Variants in CMSS1 observed in about 807,000 individuals in gnomAD.
CMSS1 encodes protein CMSS1.
CMSS1 carries 33 observed loss-of-function variants against 43.5 expected under a neutral mutation model. The ratio of observed to expected loss-of-function variants is 0.76; its 90% CI spans 0.57 to 1.01. The LOEUF is 1.01. CMSS1 is among the 50% of genes least tolerant of loss of function. The probability of loss-of-function intolerance (pLI) is 0.00; values close to 1 mark genes in which losing one functional copy is unlikely to be tolerated. For synonymous variants in CMSS1, 115 were observed against 117.2 expected (o/e 0.98, Z 0.12); for missense variants, 313 against 326.4 (o/e 0.96, Z 0.32).
intron 1 of CMSS1, among the ~76,000 whole-genome samples, chr3:100,097,017 G>T (rs1278521980): frequency 2.6e-5 from 4 of 152,230 alleles, no homozygotes; most frequent in Non-Finnish European, 4.4e-5. Context: ...CCACTCTGTG[G>T]CCTGTTAGGA....
At chr3:100,011,055 A>T (rs1482855232) in intron 1 of CMSS1, among the ~76,000 whole-genome samples, 1 of 152,106 alleles carries the variant, frequency 6.6e-6, no homozygotes, top group Non-Finnish European at 1.5e-5. Context: ...TGGTGCAAGG[A>T]TGGTACCAGG....
intron 1 of CMSS1, among the ~76,000 whole-genome samples, chr3:99,964,872 A>G (rs543981827): frequency 6.6e-6 from 1 of 152,272 alleles, no homozygotes; most frequent in Non-Finnish European, 1.5e-5. Flanking sequence ...CTAAGTTAAT[A>G]TTAGATCACT....
chr3:100,091,359 A>G (rs1489022611), intron 1 of CMSS1, among the ~76,000 whole-genome samples: 1 of 152,132 alleles, frequency 6.6e-6, no homozygotes, highest in Non-Finnish European at 1.5e-5. Context: ...ATGTATGTTC[A>G]CCTTCTTCTT....
intron 1 of CMSS1, among the ~76,000 whole-genome samples, chr3:99,931,567 G>C (rs969795930): frequency 2.6e-5 from 4 of 152,102 alleles, no homozygotes; most frequent in Non-Finnish European, 5.9e-5. Flanking sequence ...CAGAATTACT[G>C]CATTATTTTG....
At chr3:99,856,710 A>G (rs1943983275) in intron 1 of CMSS1, among the ~76,000 whole-genome samples, 1 of 152,216 alleles carries the variant, frequency 6.6e-6, no homozygotes. Flanking sequence ...CTTTGGTACT[A>G]ACCATAATTC....
At chr3:100,062,209 T>G (rs2107347745) in intron 1 of CMSS1, among the ~76,000 whole-genome samples, 1 of 146,376 alleles carries the variant, frequency 6.8e-6, no homozygotes, top group East Asian at 2.1e-4. Context: ...CCTCCCGGGT[T>G]CAGGCCATTC....
At chr3:100,067,441 C>T (rs569165358) in intron 1 of CMSS1, among the ~76,000 whole-genome samples, 1 of 152,152 alleles carries the variant, frequency 6.6e-6, no homozygotes, top group Non-Finnish European at 1.5e-5. Context: ...GAATCCCTGG[C>T]TCCAATTATT....
intron 1 of CMSS1, among the ~76,000 whole-genome samples, chr3:100,045,881 C>T (rs1325626690): frequency 6.6e-6 from 1 of 151,996 alleles, no homozygotes; most frequent in South Asian, 2.1e-4. Context: ...ACCCTCCCTG[C>T]AGCTGGTGTC....
chr3:100,094,232 G>T (rs2107441677), intron 1 of CMSS1, among the ~76,000 whole-genome samples: 1 of 152,254 alleles, frequency 6.6e-6, no homozygotes, highest in East Asian at 1.9e-4. Context: ...CCATTTGAAT[G>T]AAATGCTGGC....
chr3:99,854,995 AC>A (rs770570318), intron 1 of CMSS1, among the ~76,000 whole-genome samples: 72 of 152,316 alleles, frequency 4.7e-4, no homozygotes, highest in Middle Eastern at 6.8e-3. Flanking sequence ...TTGCCTTATA[AC>A]AAACTCCCAG....
intron 1 of CMSS1, among the ~76,000 whole-genome samples, chr3:99,856,573 C>G (rs779165885): frequency 2.0e-5 from 3 of 152,232 alleles, no homozygotes; most frequent in Non-Finnish European, 4.4e-5. Flanking sequence ...TATCTTATTA[C>G]AGCTTTCCGT....
At chr3:99,890,332 G>A (rs1706042822) in intron 1 of CMSS1, among the ~76,000 whole-genome samples, 1 of 152,088 alleles carries the variant, frequency 6.6e-6, no homozygotes, top group East Asian at 1.9e-4. Context: ...CTTAAATGCA[G>A]ATTTCTTTTA....
At chr3:99,987,580 T>G (rs1281363338) in intron 1 of CMSS1, among the ~76,000 whole-genome samples, 1 of 151,126 alleles carries the variant, frequency 6.6e-6, no homozygotes, top group Non-Finnish European at 1.5e-5. Context: ...TGCAAGAGAT[T>G]ATTTAAACTA....
At chr3:100,064,827 G>A (rs1285845401) in intron 1 of CMSS1, among the ~76,000 whole-genome samples, 2 of 152,018 alleles carry the variant, frequency 1.3e-5, no homozygotes, top group Non-Finnish European at 2.9e-5. Context: ...TTCAGCAGTT[G>A]GATTTCCACA....
intron 1 of CMSS1, among the ~76,000 whole-genome samples, chr3:99,821,291 T>G (rs976621348): frequency 2.6e-5 from 4 of 152,228 alleles, no homozygotes; most frequent in African/African-American, 4.8e-5. Flanking sequence ...CTACAGAGTA[T>G]GTAGGCAGAC....
chr3:99,820,475 G>A (rs564940958), intron 1 of CMSS1, among the ~76,000 whole-genome samples: 304 of 152,362 alleles, frequency 2.0e-3, no homozygotes, highest in African/African-American at 6.8e-3. Context: ...GGGATTACAG[G>A]TGTGAATCAC....
intron 1 of CMSS1, among the ~76,000 whole-genome samples, chr3:100,093,773 A>T (rs1348824585): frequency 6.6e-6 from 1 of 152,246 alleles, no homozygotes; most frequent in Non-Finnish European, 1.5e-5. Context: ...GTCACTTCAA[A>T]AACAGTATAT....
At chr3:100,121,928 A>G (rs935224008) in intron 1 of CMSS1, among the ~76,000 whole-genome samples, 1 of 152,170 alleles carries the variant, frequency 6.6e-6, no homozygotes, top group Non-Finnish European at 1.5e-5. Flanking sequence ...TCAACACTGC[A>G]AGGAGAATCT....
At chr3:99,906,365 T>G (rs1056491524) in intron 1 of CMSS1, among the ~76,000 whole-genome samples, 4 of 152,228 alleles carry the variant, frequency 2.6e-5, no homozygotes, top group Non-Finnish European at 5.9e-5. Flanking sequence ...TATATTGGGT[T>G]GTCAGTCTTA....
Sources: gnomAD v4.1 joint callset for allele counts (sites outside exome capture counted in the v4.1 genomes callset) on GRCh38, gnomAD v4.1.1 for gene constraint, MANE v1.5 for transcripts, NCBI Gene and HGNC (gene_info 2026-07-23, HGNC 2026-07-21) for gene names.